Variants in ADGRL3 observed in about 807,000 individuals in gnomAD.
ADGRL3 encodes adhesion G protein-coupled receptor L3, also known as calcium-independent alpha-latrotoxin receptor 3.
A neutral mutation model predicts 153.5 loss-of-function variants in ADGRL3; 62 were observed. That is an observed-to-expected ratio of 0.40 (90% CI 0.33 to 0.50). The LOEUF (loss-of-function observed/expected upper bound fraction) is 0.50. Ranked by LOEUF, ADGRL3 falls within the 20% of genes least tolerant of loss-of-function variation. The pLI, the probability that ADGRL3 is intolerant of heterozygous loss-of-function variation, is 0.47. For missense variants in ADGRL3, 1,641 were observed against 1,859.4 expected (o/e 0.88, Z 2.16); for synonymous variants, 710 against 672.5 (o/e 1.06, Z -0.86).
At chr4:61,323,469 T>C (rs1431976767) in intron 1 of ADGRL3, among the ~76,000 whole-genome samples, 2 of 152,154 alleles carry the variant, frequency 1.3e-5, no homozygotes, top group African/African-American at 4.8e-5. Flanking sequence ...CCTTTGAAAC[T>C]GAATGCCTTC....
intron 1 of ADGRL3, among the ~76,000 whole-genome samples, chr4:61,249,599 A>G (rs989019126): frequency 6.6e-6 from 1 of 152,180 alleles, no homozygotes; most frequent in Non-Finnish European, 1.5e-5. Flanking sequence ...CCAGCTAATC[A>G]GCAGCTTTCT....
At chr4:61,277,905 G>C (rs540098361) in intron 1 of ADGRL3, among the ~76,000 whole-genome samples, 5 of 152,304 alleles carry the variant, frequency 3.3e-5, no homozygotes, top group African/African-American at 1.2e-4. Context: ...CATATAGACA[G>C]ATTCTCAGAC....
chr4:61,400,781 T>C (rs1032359452), intron 2 of ADGRL3, among the ~76,000 whole-genome samples: 5 of 138,434 alleles, frequency 3.6e-5, no homozygotes, highest in African/African-American at 1.4e-4. Flanking sequence ...AAACCAGAAG[T>C]GAAACAAAAA....
intron 8 of ADGRL3, among the ~76,000 whole-genome samples, chr4:61,740,295 TACTC>T (rs1314284253): frequency 6.6e-6 from 1 of 152,222 alleles, no homozygotes; most frequent in African/African-American, 2.4e-5. Flanking sequence ...GTTCAAATAA[TACTC>T]AGCTGCTTTG....
chr4:61,945,702 G>T (rs2150278025), intron 15 of ADGRL3, among the ~76,000 whole-genome samples: 1 of 150,276 alleles, frequency 6.7e-6, no homozygotes, highest in African/African-American at 2.4e-5. Flanking sequence ...CGATTTTCCA[G>T]GTGCGTCCGT....
At chr4:61,792,324 A>G (rs1339172320) in intron 8 of ADGRL3, among the ~76,000 whole-genome samples, 1 of 152,166 alleles carries the variant, frequency 6.6e-6, no homozygotes, top group Non-Finnish European at 1.5e-5. Flanking sequence ...GCTAAAACAT[A>G]GCAAGAGTCA....
intron 1 of ADGRL3, among the ~76,000 whole-genome samples, chr4:61,273,591 T>G (rs1308395881): frequency 3.9e-5 from 6 of 152,218 alleles, no homozygotes; most frequent in Admixed American, 2.6e-4. Context: ...AGAAGTAGCA[T>G]TAGAAAATGT....
intron 17 of ADGRL3, among the ~76,000 whole-genome samples, chr4:61,966,573 G>GGTGTGT (rs5858746): frequency 0.039 from 5,732 of 145,984 alleles, 109 homozygotes; most frequent in African/African-American, 0.051. Flanking sequence ...TTTCAAAAGG[G>GGTGTGT]GTGTGTGTGT....
intron 17 of ADGRL3, 78 bp downstream of exon 17, chr4:61,948,354 G>A (rs1379246899): frequency 4.0e-6 from 4 of 1,004,054 alleles, no homozygotes; most frequent in Non-Finnish European, 5.7e-6. Context: ...AACTATATGG[G>A]CTATCATATT....
intron 25 of ADGRL3, among the ~76,000 whole-genome samples, chr4:62,067,501 A>T (rs1349513056): frequency 6.6e-6 from 1 of 152,042 alleles, no homozygotes; most frequent in Non-Finnish European, 1.5e-5. Context: ...TAATAAATAA[A>T]TGTAACCTTT....
intron 17 of ADGRL3, among the ~76,000 whole-genome samples, chr4:61,979,282 G>A (rs765436434): frequency 6.6e-6 from 1 of 152,060 alleles, no homozygotes; most frequent in African/African-American, 2.4e-5. Flanking sequence ...GAATTAAGTC[G>A]GTCTGCTTTA....
At chr4:61,758,686 G>T (rs1376421597) in intron 8 of ADGRL3, among the ~76,000 whole-genome samples, 1 of 152,116 alleles carries the variant, frequency 6.6e-6, no homozygotes, top group Non-Finnish European at 1.5e-5. Flanking sequence ...TACATTTAAG[G>T]TTAATATTGT....
intron 21 of ADGRL3, among the ~76,000 whole-genome samples, chr4:62,024,315 A>G (rs1172692429): frequency 6.6e-6 from 1 of 152,118 alleles, no homozygotes; most frequent in East Asian, 1.9e-4. Flanking sequence ...TGGATCATTG[A>G]GTCATAGGGA....
At chr4:61,473,387 G>A (rs1283705926) in intron 2 of ADGRL3, among the ~76,000 whole-genome samples, 1 of 151,992 alleles carries the variant, frequency 6.6e-6, no homozygotes, top group Non-Finnish European at 1.5e-5. Context: ...CACACGGCGA[G>A]GGTGTGTATG....
chr4:61,442,546 C>T (rs1331210926), intron 2 of ADGRL3, among the ~76,000 whole-genome samples: 2 of 152,088 alleles, frequency 1.3e-5, no homozygotes, highest in Non-Finnish European at 2.9e-5. Flanking sequence ...AAGAGAAGGT[C>T]ATGCTTGGAC....
intron 11 of ADGRL3, among the ~76,000 whole-genome samples, chr4:61,898,634 T>G (rs998317409): frequency 5.3e-5 from 8 of 151,862 alleles, no homozygotes; most frequent in Admixed American, 6.6e-5. Flanking sequence ...TTTTTTTTTT[T>G]TTGAGATGAA....
At chr4:61,970,860 T>C (rs2150650079) in intron 17 of ADGRL3, among the ~76,000 whole-genome samples, 1 of 152,286 alleles carries the variant, frequency 6.6e-6, no homozygotes, top group Admixed American at 6.5e-5. Flanking sequence ...CCCAAGAGCT[T>C]GTGAGGTGAC....
At position 61,200,847 on chromosome 4, in the gene ADGRL3, T is replaced by G. The variant is rs1294965120; in HGVS notation, c.-1158T>G. 1.3e-5 allele frequency among the ~76,000 whole-genome samples: 2 copies of G among 151,378 alleles called. No individual in the cohort carries two copies. Among genetic ancestry groups the G allele is most frequent in the African/African-American group, 2.4e-5 (1 of 41,214 alleles). ...GATGAAGCTCCCACATGCCCGCAGC[T>G]GCCCGGCCCGGCCGGCGAGCTAATC... On this transcript the variant is annotated 5_prime_UTR_variant, in exon 1 of 27. Transcript: ENST00000683033.
At chr4:61,313,977 G>C (rs1014623599) in intron 1 of ADGRL3, among the ~76,000 whole-genome samples, 1 of 152,088 alleles carries the variant, frequency 6.6e-6, no homozygotes, top group Non-Finnish European at 1.5e-5. Context: ...GATGTTGAAG[G>C]AAAGTGGAGT....
Sources: allele counts gnomAD v4.1 joint callset (sites outside exome capture counted in the v4.1 genomes callset), GRCh38; gene constraint gnomAD v4.1.1; transcripts MANE v1.5; gene names NCBI Gene and HGNC (gene_info 2026-07-23, HGNC 2026-07-21).